Variants in ADAM32 observed in about 807,000 individuals in gnomAD.
The protein encoded by ADAM32 is ADAM metallopeptidase domain 32, also known as disintegrin and metalloproteinase domain-containing protein 32.
In ADAM32, 89 loss-of-function variants were observed where a neutral mutation model predicts 114.9. That is an observed-to-expected ratio of 0.77 (90% confidence interval 0.65 to 0.92). The LOEUF (loss-of-function observed/expected upper bound fraction) is 0.92. Among genes scored for constraint, ADAM32 ranks in the 40% least tolerant of loss-of-function variants. The pLI is 0.00. For missense variants in ADAM32, 870 were observed against 932.8 expected (o/e 0.93, Z 0.88); for synonymous variants, 285 against 307.5 (o/e 0.93, Z 0.77).
intron 11 of ADAM32, among the ~76,000 whole-genome samples, chr8:39,196,357 G>A (rs1459335249): frequency 6.6e-6 from 1 of 152,004 alleles, no homozygotes; most frequent in Non-Finnish European, 1.5e-5. Flanking sequence ...CTCTGGCTAG[G>A]ATTTTCAGTA....
chr8:39,176,295 T>C (rs544477854), intron 10 of ADAM32, among the ~76,000 whole-genome samples: 51 of 152,288 alleles, frequency 3.3e-4, no homozygotes, highest in Non-Finnish European at 5.3e-4. Context: ...TGATTTGAGA[T>C]ATTTCTAGCT....
In ADAM32 at chr8:39,189,562, CAG is replaced by C. The variant is rs549062808; in HGVS notation, c.1052+2518_1052+2519del. Among the ~76,000 whole-genome samples, 507 of 152,158 alleles carry C rather than the reference CAG, an allele frequency of 3.3e-3. 2 individuals are homozygous for C. Among genetic ancestry groups the C allele is most frequent in the Non-Finnish European group, 6.1e-3 (415 of 68,006 alleles). ...CTGTATACGTGTGTGATGATCAAAT[CAG>C]GGTATTTAGAATATCCGTCCTCTCA... is the stretch of plus-strand genomic sequence containing the variant. On this transcript the variant is annotated intron_variant, in intron 11 of 24. Transcript: ENST00000379907.
At chr8:39,177,953 T>A (rs578162023) in intron 10 of ADAM32, among the ~76,000 whole-genome samples, 1 of 152,170 alleles carries the variant, frequency 6.6e-6, no homozygotes, top group African/African-American at 2.4e-5. Flanking sequence ...TTTTTTTTTT[T>A]ACTTTCAGTT....
chr8:39,237,134 T>C (rs1457584401), intron 16 of ADAM32, among the ~76,000 whole-genome samples: 1 of 152,140 alleles, frequency 6.6e-6, no homozygotes, highest in African/African-American at 2.4e-5. Context: ...TACCTAGAGC[T>C]GAAATGAATT....
intron 2 of ADAM32, among the ~76,000 whole-genome samples, chr8:39,132,986 GA>G (rs1332014382): frequency 1.3e-5 from 2 of 152,072 alleles, no homozygotes; most frequent in African/African-American, 4.8e-5. Context: ...TGGAATTTTA[GA>G]TGTGTAGACT....
intron 1 of ADAM32, 27 bp downstream of exon 1, chr8:39,107,860 G>C: frequency 6.6e-7 from 1 of 1,512,654 alleles, no homozygotes. Context: ...CCTGACACTA[G>C]TCCGGGCGCT....
intron 11 of ADAM32, among the ~76,000 whole-genome samples, chr8:39,208,653 T>C (rs1468518433): frequency 6.6e-6 from 1 of 152,198 alleles, no homozygotes; most frequent in East Asian, 1.9e-4. Flanking sequence ...AAGGATAGTT[T>C]TCCTGGGTAC....
At position 39,257,263 on chromosome 8, in the gene ADAM32, C is replaced by T; in HGVS notation, c.2082C>T (p.Leu694=). ...GTTTCCTCATTGCTCTTCCTATTCT[C>T]ATTGTAACAACCGCAATAGTTTTGG... ...LLGFLIALPI[L]IVTTAIVLAR... Residue 694 remains leucine (L), a synonymous_variant, in exon 19 of 25, where the codon CTC becomes CTT. Transcript: ENST00000379907. The T allele has an allele frequency of 6.2e-7, 1 of 1,612,716 alleles. No individual in the cohort carries two copies. Among genetic ancestry groups the T allele is most frequent in the Non-Finnish European group, 8.5e-7 (1 of 1,179,426 alleles).
chr8:39,140,425 CA>C (rs1218602553), intron 3 of ADAM32, among the ~76,000 whole-genome samples: 1 of 152,126 alleles, frequency 6.6e-6, no homozygotes, highest in African/African-American at 2.4e-5. Context: ...TGGTTTTTAT[CA>C]TTGGTTCTGT....
chr8:39,219,548 A>G (rs1808813029), intron 12 of ADAM32, among the ~76,000 whole-genome samples: 1 of 152,162 alleles, frequency 6.6e-6, no homozygotes, highest in Admixed American at 6.5e-5. Context: ...GCAACATTGA[A>G]TTCAATGCAA....
At chr8:39,107,612 C>G, upstream of ADAM32, 2 of 1,455,936 alleles carry the variant, frequency 1.4e-6, no homozygotes, top group African/African-American at 1.4e-5. Context: ...GCGGGCCCTT[C>G]GTGTTCCGGA....
At chr8:39,258,924 C>A (rs1006079585) in intron 19 of ADAM32, among the ~76,000 whole-genome samples, 5 of 152,118 alleles carry the variant, frequency 3.3e-5, no homozygotes, top group African/African-American at 4.8e-5. Context: ...ATCTTAAATA[C>A]AATTTTCACT....
chr8:39,167,645 A>G (rs1235434746), intron 9 of ADAM32: 1 of 152,124 alleles, frequency 6.6e-6, no homozygotes. Flanking sequence ...TATCATTTTC[A>G]CAATATTGAT....
At chr8:39,152,782 A>C (rs1803919712) in intron 6 of ADAM32, among the ~76,000 whole-genome samples, 1 of 152,140 alleles carries the variant, frequency 6.6e-6, no homozygotes, top group Admixed American at 6.5e-5. Flanking sequence ...CAAACCTCAG[A>C]ATTTAGCTGG....
intron 1 of ADAM32, among the ~76,000 whole-genome samples, chr8:39,117,856 C>A (rs1018653752): frequency 5.9e-5 from 9 of 151,856 alleles, no homozygotes; most frequent in African/African-American, 1.9e-4. Flanking sequence ...TTTCTATTTT[C>A]TTCAGAACCA....
At chr8:39,115,861 C>T (rs4733976) in intron 1 of ADAM32, among the ~76,000 whole-genome samples, 73,025 of 152,012 alleles carry the variant, frequency 0.48, 18,468 homozygotes, top group South Asian at 0.56. Context: ...TCTTCTAAGG[C>T]ATTTATAGTT....
At chr8:39,124,611 T>C (rs1427819009) in intron 2 of ADAM32, among the ~76,000 whole-genome samples, 3 of 151,864 alleles carry the variant, frequency 2.0e-5, no homozygotes, top group Non-Finnish European at 4.4e-5. Flanking sequence ...AAAGACGGGG[T>C]TTCACCGTGT....
At chr8:39,219,269 C>T (rs948881708) in intron 12 of ADAM32, among the ~76,000 whole-genome samples, 1 of 152,158 alleles carries the variant, frequency 6.6e-6, no homozygotes, top group African/African-American at 2.4e-5. Flanking sequence ...TGGCTGGTGT[C>T]TCTACAGGTC....
At chr8:39,162,592 G>C (rs1804582892) in intron 7 of ADAM32, among the ~76,000 whole-genome samples, 1 of 152,072 alleles carries the variant, frequency 6.6e-6, no homozygotes, top group Admixed American at 6.5e-5. Flanking sequence ...CTGTGAACTA[G>C]TTCAACCATT....
Sources: gnomAD v4.1 joint callset for allele counts (sites outside exome capture counted in the v4.1 genomes callset) on GRCh38, gnomAD v4.1.1 for gene constraint, MANE v1.5 for transcripts, NCBI Gene and HGNC (gene_info 2026-07-23, HGNC 2026-07-21) for gene names.